PPL: variants seen among roughly 807,000 people sequenced by gnomAD.
PPL encodes the protein 190 kDa paraneoplastic pemphigus antigen.
Under a neutral mutation model 194.4 loss-of-function variants are expected in PPL, and 198 were observed. The ratio of observed to expected loss-of-function variants is 1.02; its 90% CI spans 0.91 to 1.15. The LOEUF (loss-of-function observed/expected upper bound fraction) is 1.15. Among genes scored for constraint, PPL ranks in the 50% most tolerant of loss-of-function variants. PPL has a pLI of 0.00. For missense variants in PPL, 2,885 were observed against 2,294.8 expected (o/e 1.26, Z -5.25); for synonymous variants, 1,220 against 972.4 (o/e 1.25, Z -4.74).
intron 1 of PPL, among the ~76,000 whole-genome samples, chr16:4,917,623 G>A (rs540925709): frequency 1.3e-5 from 2 of 152,320 alleles, no homozygotes; most frequent in African/African-American, 2.4e-5. Context: ...CCACTGGGCT[G>A]GGCGTGGTGG....
At chr16:4,936,410 A>G (rs2089298874) in intron 1 of PPL, among the ~76,000 whole-genome samples, 1 of 152,070 alleles carries the variant, frequency 6.6e-6, no homozygotes, top group African/African-American at 2.4e-5. Flanking sequence ...CGGGAAGTGC[A>G]GCGGCGGGTG....
At chr16:4,918,175 C>G (rs1348850150) in intron 1 of PPL, among the ~76,000 whole-genome samples, 1 of 151,816 alleles carries the variant, frequency 6.6e-6, no homozygotes, top group African/African-American at 2.4e-5. Flanking sequence ...TACCTGTAAT[C>G]CCAGCTACTT....
At chr16:4,887,249 G>C in intron 20 of PPL, 22 bp from the exon 21 acceptor site, 1 of 1,583,558 alleles carries the variant, frequency 6.3e-7, no homozygotes, top group Non-Finnish European at 8.7e-7. Flanking sequence ...AGGATTAGGA[G>C]AGCGGTCAAC....
In PPL at chr16:4,883,894, G is replaced by A; in HGVS notation, c.4761C>T (p.Asn1587=). 6.2e-7 allele frequency: 1 copy of A among 1,614,000 alleles called. No individual in the cohort carries two copies. Among genetic ancestry groups the A allele is most frequent in the Non-Finnish European group, 8.5e-7 (1 of 1,180,022 alleles). Reference sequence around the variant, plus strand: ...GGTCTCGTGTTTCCGTCGCTGCCATGTTGATTTCCGATTGGAGCCTTCGGG... The same window carrying A: ...GGTCTCGTGTTTCCGTCGCTGCCATATTGATTTCCGATTGGAGCCTTCGGG... The part of the protein sequence containing the change: ...LETRRLQSEI[N]MAATETRDLR... The change falls in exon 22 of 22, where the codon AAC becomes AAT. Residue 1587 remains asparagine, a synonymous_variant. Transcript: ENST00000345988. This position sits in a 1 kb window ranked among gnomAD's most constrained non-coding sequence, Gnocchi z 4.8.
Position 4,894,519 on chromosome 16 carries a change from C to A in PPL, c.1342G>T (p.Val448Leu). 1 of 1,613,920 alleles carries A rather than the reference C, an allele frequency of 6.2e-7. No individual in the cohort carries two copies. The change falls in exon 12 of 22, where the codon GTG (valine) becomes TTG (leucine). Residue 448 changes from valine to leucine, a missense_variant. Transcript: ENST00000345988. The part of the protein sequence containing the change: ...SAGNKLIAPA[V>L]CFVIPPTDPE... Reference sequence around the variant, plus strand: ...TCTGTGGGGGGGATCACAAAACACACGGCCGGAGCAATCAGCTTGTTCCCA... The same window carrying A: ...TCTGTGGGGGGGATCACAAAACACAAGGCCGGAGCAATCAGCTTGTTCCCA...
At chr16:4,887,281 G>A in intron 20 of PPL, 54 bp from the exon 21 acceptor site, 1 of 1,297,096 alleles carries the variant, frequency 7.7e-7, no homozygotes, top group Non-Finnish European at 1.1e-6. Flanking sequence ...AACAGGGTAA[G>A]CAACAGAGAG....
At chr16:4,928,081 T>C (rs192929357) in intron 1 of PPL, among the ~76,000 whole-genome samples, 59 of 152,306 alleles carry the variant, frequency 3.9e-4, no homozygotes, top group African/African-American at 1.4e-3. Flanking sequence ...CAAGCCAACT[T>C]TGGTGCCCCA....
intron 2 of PPL, among the ~76,000 whole-genome samples, chr16:4,905,509 T>C (rs577582059): frequency 6.6e-6 from 1 of 152,326 alleles, no homozygotes; most frequent in East Asian, 1.9e-4. Context: ...TGAAACTGAT[T>C]CATGGGCGTG....
intron 2 of PPL, among the ~76,000 whole-genome samples, chr16:4,910,327 C>T (rs546426851): frequency 6.6e-6 from 1 of 152,162 alleles, no homozygotes; most frequent in Admixed American, 6.6e-5. Context: ...TGTCCTATAC[C>T]TGCATAATCT....
At chr16:4,899,630 A>C (rs185124347) in intron 6 of PPL, among the ~76,000 whole-genome samples, 19 of 152,150 alleles carry the variant, frequency 1.2e-4, no homozygotes, top group Admixed American at 3.9e-4. Context: ...CATCTACTAC[A>C]TGCTGGACAT....
chr16:4,889,524 C>T (rs186003592), intron 18 of PPL, among the ~76,000 whole-genome samples: 150 of 151,718 alleles, frequency 9.9e-4, no homozygotes, highest in Non-Finnish European at 1.8e-3. Context: ...CCCAAAATGC[C>T]GGGATTACAG....
rs74003536 is a variant in PPL, at chr16:4,883,116, A to C, written c.*268T>G. 3 of 458,190 alleles carry C rather than the reference A, an allele frequency of 6.5e-6. No homozygotes were observed. The Admixed American group carries it at 1.1e-4, about 17-fold the overall frequency. The allele number at this position is 458,190 out of a possible 1,614,324, so 28.4% of individuals were successfully genotyped here. ...GAGGAGTTTGTTGCTGGGAGTGTAC[A>C]GGAAAAGGGAGGAAAAGGCATCGCA... On this transcript the variant is annotated 3_prime_UTR_variant, in exon 22 of 22. Coordinates refer to ENST00000345988, the MANE Select transcript of PPL (RefSeq NM_002705.5). The surrounding 1 kb of genome is among the most constrained non-coding windows in gnomAD (Gnocchi z 4.8).
At position 4,885,181 on chromosome 16, in the gene PPL, T is replaced by C. The variant is rs2088192177; in HGVS notation, c.3474A>G (p.Ile1158Met). ...TGGCGTTCTCCTCCTCCAAGGCCCA[T>C]ATCTTTCGGAGCAGCTCCGTCTTCT... is the stretch of plus-strand genomic sequence containing the variant. Reference protein sequence around the residue: ...QREKTELLRKIWALEEENAKV... With the variant: ...QREKTELLRKMWALEEENAKV... The change falls in exon 22 of 22, where the codon ATA becomes ATG. Residue 1158 changes from isoleucine to methionine, a missense_variant. Transcript: ENST00000345988. This position sits in a 1 kb window ranked among gnomAD's most constrained non-coding sequence, Gnocchi z 6.3. 3 of 1,614,074 alleles carry C rather than the reference T, an allele frequency of 1.9e-6. No homozygotes were observed. Among genetic ancestry groups the C allele is most frequent in the African/African-American group, 2.7e-5 (2 of 75,030 alleles).
chr16:4,911,214 T>G (rs1010229172), intron 1 of PPL, among the ~76,000 whole-genome samples: 1 of 137,562 alleles, frequency 7.3e-6, no homozygotes. Flanking sequence ...CAGGCTAAAG[T>G]GCAGTGGCGT....
At position 4,891,127 on chromosome 16, in the gene PPL, G is replaced by C. The variant is rs140625167; in HGVS notation, c.1969-206C>G. On this transcript the variant is annotated intron_variant, in intron 16 of 21. Transcript: ENST00000345988. The stretch of plus-strand genomic sequence containing the variant: ...TTAACAATGAACAAAGCCCTGAAAA[G>C]CTAACTTCTAAAAACCCTGCAGCAG... 2.8e-3 allele frequency among the ~76,000 whole-genome samples: 428 copies of C among 152,364 alleles called. 3 individuals are homozygous for C. The highest frequency in any genetic ancestry group is 9.4e-3 in the African/African-American group (392 of 41,592).
At chr16:4,915,880 TAGATGGCAG>T (rs1165065589) in intron 1 of PPL, among the ~76,000 whole-genome samples, 1 of 152,096 alleles carries the variant, frequency 6.6e-6, no homozygotes, top group Non-Finnish European at 1.5e-5. Flanking sequence ...ACCCAGCAAT[TAGATGGCAG>T]AGCCAGGACT....
In PPL at chr16:4,885,791, C is replaced by T. The variant is rs774072790; in HGVS notation, c.2864G>A (p.Arg955Gln). The stretch of plus-strand genomic sequence containing the variant: ...CTTGTGCTGCTCCTCTGCCAGCGTC[C>T]GCTGCAGCTGCTGGAAGCTCTCCTC... The part of the protein sequence containing the change: ...VLEESFQQLQ[R>Q]TLAEEQHKNQ... Residue 955 changes from arginine to glutamine, a missense_variant, in exon 22 of 22, where the codon CGG becomes CAG. Physicochemically the swap from Arg to Gln is conservative, Grantham distance 43. Coordinates refer to ENST00000345988, the MANE Select transcript of PPL (RefSeq NM_002705.5). This position sits in a 1 kb window ranked among gnomAD's most constrained non-coding sequence, Gnocchi z 6.3. 58 of 1,609,642 alleles carry T rather than the reference C, an allele frequency of 3.6e-5. No individual in the cohort carries two copies. The highest frequency in any genetic ancestry group is 2.7e-4 in the South Asian group (25 of 91,080).
At chr16:4,929,951 G>A (rs1250002879) in intron 1 of PPL, among the ~76,000 whole-genome samples, 1 of 151,900 alleles carries the variant, frequency 6.6e-6, no homozygotes, top group Non-Finnish European at 1.5e-5. Flanking sequence ...GCCTCCCAAA[G>A]CGCTAGGACA....
At position 4,883,959 on chromosome 16, in the gene PPL, G is replaced by A. The variant is rs1242470997; in HGVS notation, c.4696C>T (p.His1566Tyr). ...KELDFLREEN[H>Y]KLQLERQNLQ... is the part of the protein sequence containing the mutation. The stretch of plus-strand genomic sequence containing the variant: ...TTTTGCCTCTCCAGCTGTAATTTGT[G>A]GTTCTCTTCCCTCAGAAAGTCTAGT... Residue 1566 changes from histidine to tyrosine, a missense_variant, in exon 22 of 22, where the codon CAC becomes TAC. Physicochemically the swap from His to Tyr is moderately conservative, Grantham distance 83. Coordinates refer to ENST00000345988, the MANE Select transcript of PPL (RefSeq NM_002705.5). This position sits in a 1 kb window ranked among gnomAD's most constrained non-coding sequence, Gnocchi z 4.8. 3 of 1,613,934 alleles carry A rather than the reference G, an allele frequency of 1.9e-6. No individual in the cohort carries two copies. The highest frequency in any genetic ancestry group is 2.5e-6 in the Non-Finnish European group (3 of 1,180,012).
Sources: gnomAD v4.1 joint callset for allele counts (sites outside exome capture counted in the v4.1 genomes callset) on GRCh38, gnomAD v4.1.1 for gene constraint, Gnocchi (gnomAD v3.1) non-coding constraint, MANE v1.5 for transcripts, NCBI Gene and HGNC (gene_info 2026-07-23, HGNC 2026-07-21) for gene names.